ADGRG4: variants seen among roughly 807,000 people sequenced by gnomAD.
ADGRG4 encodes the protein adhesion G protein-coupled receptor G4, also known as G protein-coupled receptor 112.
A neutral mutation model predicts 126.2 loss-of-function variants in ADGRG4; 122 were observed. The ratio of observed to expected loss-of-function variants is 0.97; its 90% CI spans 0.83 to 1.12. The LOEUF is 1.12. Among genes scored for constraint, ADGRG4 ranks in the 50% most tolerant of loss-of-function variants. ADGRG4 has a pLI of 0.00. For missense variants in ADGRG4, 2,481 were observed against 2,251.8 expected, an observed-to-expected ratio of 1.10 and a Z score of -2.06; for synonymous variants, 943 against 838.7, an observed-to-expected ratio of 1.12 and a Z score of -2.15.
intron 12 of ADGRG4, among the ~76,000 whole-genome samples, chrX:136,362,584 CTG>C (rs1381709343): frequency 1.8e-5 from 2 of 111,579 alleles, no homozygotes; most frequent in Non-Finnish European, 3.8e-5. Flanking sequence ...TCCTCTCCTG[CTG>C]TCTCACTCAG....
At chrX:136,380,525 C>T (rs5930938) in intron 15 of ADGRG4, among the ~76,000 whole-genome samples, 26,064 of 97,856 alleles carry the variant, frequency 0.27, 2,823 homozygotes, top group Non-Finnish European at 0.35. Context: ...GCTGCTGCTG[C>T]TGCTGCCTCC....
At chrX:136,370,079 G>A (rs2075183807) in intron 13 of ADGRG4, among the ~76,000 whole-genome samples, 1 of 111,491 alleles carries the variant, frequency 9.0e-6, no homozygotes, top group Non-Finnish European at 1.9e-5. Context: ...AAGATTTGAG[G>A]AGATGCTGAT....
chrX:136,331,500 G>C (rs1288386253), intron 5 of ADGRG4, among the ~76,000 whole-genome samples: 1 of 112,361 alleles, frequency 8.9e-6, no homozygotes, highest in Non-Finnish European at 1.9e-5. Context: ...CTGTTTTTCA[G>C]TTTTACAAAG....
intron 9 of ADGRG4, 84 bp downstream of exon 9, chrX:136,356,249 T>C (rs968419842): frequency 3.3e-6 from 2 of 599,713 alleles, no homozygotes; most frequent in Admixed American, 2.8e-5. Context: ...CACCCAAGTA[T>C]ATATTATCAG....
In ADGRG4 at chrX:136,348,881, C is replaced by T; in HGVS notation, c.5175C>T (p.Ser1725=). The change falls in exon 6 of 26, where the codon TCC becomes TCT. Residue 1725 remains serine (S), a synonymous_variant. Coordinates refer to ENST00000394143, the MANE Select transcript of ADGRG4 (RefSeq NM_153834.4). ...LGILSGITNR[S]LSTVNSGTGV... is the part of the protein sequence containing the mutation. ...TATTATCTGGGATTACTAACAGGTCCCTATCTACTGTGAACAGTGGTACAG... is the reference window on the plus strand; with the variant it reads ...TATTATCTGGGATTACTAACAGGTCTCTATCTACTGTGAACAGTGGTACAG... 8.3e-7 allele frequency: 1 copy of T among 1,206,976 alleles called. No individual in the cohort carries two copies. Among genetic ancestry groups the T allele is most frequent in the South Asian group, 1.8e-5 (1 of 56,813 alleles).
chrX:136,362,788 C>G (rs775075884), intron 12 of ADGRG4, among the ~76,000 whole-genome samples: 1 of 111,719 alleles, frequency 9.0e-6, no homozygotes, highest in East Asian at 2.8e-4. Context: ...ACGTCTCTTT[C>G]CTTGGTAGTT....
intron 15 of ADGRG4, among the ~76,000 whole-genome samples, chrX:136,373,723 G>T (rs1463693338): frequency 9.0e-6 from 1 of 111,139 alleles, no homozygotes; most frequent in Non-Finnish European, 1.9e-5. Context: ...CCAGCACTTT[G>T]GGAGGTCAAG....
intron 15 of ADGRG4, among the ~76,000 whole-genome samples, chrX:136,373,668 T>C (rs941409420): frequency 1.8e-5 from 2 of 111,505 alleles, no homozygotes; most frequent in African/African-American, 6.5e-5. Flanking sequence ...CAAACCCCTA[T>C]TAAGATATAG....
At chrX:136,412,398 A>G in intron 24 of ADGRG4, 32 bp downstream of exon 24, 1 of 912,088 alleles carries the variant, frequency 1.1e-6, no homozygotes, top group Non-Finnish European at 1.6e-6. Context: ...AGTTTTGAAT[A>G]TTACATGTTT....
At chrX:136,350,522 G>A in intron 6 of ADGRG4, 89 bp downstream of exon 6, 2 of 930,281 alleles carry the variant, frequency 2.1e-6, no homozygotes, top group East Asian at 3.1e-5. Flanking sequence ...TTCTTGGAAG[G>A]CAGAAAAGAA....
At chrX:136,318,988 C>T (rs1349519501) in intron 4 of ADGRG4, among the ~76,000 whole-genome samples, 8 of 112,668 alleles carry the variant, frequency 7.1e-5, no homozygotes, top group Non-Finnish European at 1.5e-4. Flanking sequence ...AGAGAGAACA[C>T]GCTTCAGGGG....
At chrX:136,363,686 C>T (rs982742061) in intron 13 of ADGRG4, 91 bp downstream of exon 13, 2 of 587,460 alleles carry the variant, frequency 3.4e-6, no homozygotes, top group African/African-American at 2.2e-5. Context: ...AGGCAAACCC[C>T]ACTTAGGAAA....
At position 136,349,728 on chromosome X, in the gene ADGRG4, A is replaced by T. The variant is rs751959806; in HGVS notation, c.6022A>T (p.Thr2008Ser). Residue 2008 changes from threonine to serine, a missense_variant, in exon 6 of 26, where the codon ACA (threonine) becomes TCA (serine). Thr to Ser is a moderately conservative substitution (Grantham distance 58). Transcript: ENST00000394143. ...TGTAATTTCAAAGTCACCCATTCTG[A>T]CATGGCTCTTATCTAGTCTCCCTTC... Reference protein sequence around the residue: ...GSVISKSPILTWLLSSLPSGS... With the variant: ...GSVISKSPILSWLLSSLPSGS... The T allele has an allele frequency of 7.4e-6, 9 of 1,210,243 alleles. No individual in the cohort carries two copies. The Admixed American group carries it at 2.0e-4, about 26-fold the overall frequency.
chrX:136,355,222 T>TACACAC (rs10553631), intron 8 of ADGRG4, among the ~76,000 whole-genome samples: 131 of 100,226 alleles, frequency 1.3e-3, no homozygotes, highest in Non-Finnish European at 2.2e-3. Flanking sequence ...AACATATGTG[T>TACACAC]ACACACACAC....
intron 15 of ADGRG4, among the ~76,000 whole-genome samples, chrX:136,384,153 C>G (rs2075281370): frequency 9.1e-6 from 1 of 110,342 alleles, no homozygotes; most frequent in Admixed American, 9.7e-5. Context: ...TGAAGTGATC[C>G]ACCAGCCTTG....
chrX:136,388,046 A>G (rs2075301324), intron 16 of ADGRG4, among the ~76,000 whole-genome samples, 172 bp downstream of exon 16: 1 of 112,167 alleles, frequency 8.9e-6, no homozygotes, highest in Non-Finnish European at 1.9e-5. Context: ...TACTTTAATG[A>G]TGTTCTACAG....
intron 15 of ADGRG4, among the ~76,000 whole-genome samples, chrX:136,383,030 T>TG (rs909024257): frequency 1.1e-4 from 12 of 109,811 alleles, no homozygotes; most frequent in African/African-American, 3.8e-4. Flanking sequence ...ATCCTGGCTA[T>TG]GGGAAAAAAA....
chrX:136,349,878 A>G lies in ADGRG4; in HGVS notation c.6172A>G (p.Thr2058Ala), dbSNP rs1880000640. 7 of 1,208,371 alleles carry G rather than the reference A, an allele frequency of 5.8e-6. No individual in the cohort carries two copies. The highest frequency in any genetic ancestry group is 7.8e-6 in the Non-Finnish European group (7 of 894,176). Residue 2058 changes from threonine to alanine, a missense_variant, in exon 6 of 26, where the codon ACA becomes GCA. By Grantham distance (58) the Thr-to-Ala change is moderately conservative. Transcript: ENST00000394143. Reference protein sequence around the residue: ...ISAHPFTNLTTLPSATMSTIL... With the variant: ...ISAHPFTNLTALPSATMSTIL... ...AGCGCACCCATTCACTAACTTGACA[A>G]CACTACCCTCTGCTACTATGAGCAC...
chrX:136,400,259 C>G, intron 21 of ADGRG4, 143 bp downstream of exon 21: 1 of 481,583 alleles, frequency 2.1e-6, no homozygotes, highest in Middle Eastern at 5.9e-4. Flanking sequence ...TTTTTTCTGC[C>G]TGTATTGCTC....
Sources: allele counts gnomAD v4.1 joint callset (sites outside exome capture counted in the v4.1 genomes callset), GRCh38; gene constraint gnomAD v4.1.1; transcripts MANE v1.5; gene names NCBI Gene and HGNC (gene_info 2026-07-23, HGNC 2026-07-21).